Variants in PRDM11 observed in about 807,000 individuals in gnomAD.
PRDM11 encodes the protein PR domain-containing protein 11.
In PRDM11, 20 loss-of-function variants were observed where a neutral mutation model predicts 97.8. The ratio of observed to expected loss-of-function variants is 0.20; its 90% CI spans 0.14 to 0.30. The LOEUF is 0.30. Ranked by LOEUF, PRDM11 falls within the 10% of genes least tolerant of loss-of-function variation. PRDM11 has a pLI of 1.00. For synonymous variants in PRDM11, 599 were observed against 637.7 expected, an observed-to-expected ratio of 0.94 and a Z score of 0.91; for missense variants, 1,139 against 1,555.2, an observed-to-expected ratio of 0.73 and a Z score of 4.50.
intron 1 of PRDM11, among the ~76,000 whole-genome samples, chr11:45,127,951 G>C (rs916220186): frequency 3.3e-5 from 5 of 152,242 alleles, no homozygotes; most frequent in Non-Finnish European, 7.3e-5. Flanking sequence ...CCCAGAGGTG[G>C]AGCCTACAGA....
chr11:45,224,378 G>A lies in PRDM11; in HGVS notation c.904G>A (p.Asp302Asn), dbSNP rs746520176. ...CCCCCAAGCTAAGAAGAAGAAAATT[G>A]ACCTGATTTTCAAGGATGTTCTGGA... ...VHPQAKKKKI[D>N]LIFKDVLEAS... The change falls in exon 7 of 8, where the codon GAC (aspartate) becomes AAC (asparagine). Residue 302 changes from aspartate to asparagine, a missense_variant. By Grantham distance (23) the Asp-to-Asn change is conservative (BLOSUM62 1). Coordinates refer to ENST00000683152, the MANE Select transcript of PRDM11 (RefSeq NM_001384648.1). 6.2e-7 allele frequency: 1 copy of A among 1,614,168 alleles called. No individual in the cohort carries two copies. The highest frequency in any genetic ancestry group is 1.7e-5 in the Admixed American group (1 of 60,024).
intron 5 of PRDM11, chr11:45,209,218 C>G: frequency 2.3e-6 from 1 of 428,836 alleles, no homozygotes; most frequent in South Asian, 1.6e-5. Flanking sequence ...GCCATCAAGT[C>G]GGCGCTGCTC....
chr11:45,228,120 G>T lies in PRDM11; in HGVS notation c.3495G>T (p.Gln1165His). The change falls in exon 8 of 8, where the codon CAG becomes CAT. Residue 1165 changes from glutamine (Q) to histidine (H), a missense_variant. Around this residue, in one of 2 missense-constraint regions of PRDM11, gnomAD observed 710 missense variants for 1,044.9 expected, o/e 0.68. Coordinates refer to ENST00000683152, the MANE Select transcript of PRDM11 (RefSeq NM_001384648.1). The part of the protein sequence containing the change: ...MSALEQKPAL[Q>H]TMDHGTEFYP... Reference sequence around the variant, plus strand: ...CGCTGGAGCAGAAGCCAGCACTACAGACCATGGACCACGGGACGGAGTTTT... The same window carrying T: ...CGCTGGAGCAGAAGCCAGCACTACATACCATGGACCACGGGACGGAGTTTT... 6.5e-7 allele frequency: 1 copy of T among 1,532,210 alleles called. No homozygotes were observed. Among genetic ancestry groups the T allele is most frequent in the South Asian group, 1.2e-5 (1 of 83,856 alleles). The allele number at this position is 1,532,210 out of a possible 1,614,324, so 94.9% of individuals were successfully genotyped here. A position where few individuals can be genotyped will look rare whatever the true frequency, so the allele number is the denominator to read the frequency against.
chr11:45,165,619 C>T (rs1419356424), intron 1 of PRDM11, among the ~76,000 whole-genome samples: 1 of 152,264 alleles, frequency 6.6e-6, no homozygotes, highest in Admixed American at 6.5e-5. Flanking sequence ...CACCACCCAG[C>T]TCCAGGGGAT....
chr11:45,211,783 GCA>G (rs916734235), intron 5 of PRDM11, among the ~76,000 whole-genome samples: 20 of 151,660 alleles, frequency 1.3e-4, no homozygotes, highest in African/African-American at 4.9e-4. Context: ...GTGTCATATG[GCA>G]CAGTGTATAC....
intron 1 of PRDM11, among the ~76,000 whole-genome samples, chr11:45,166,329 G>C (rs186781048): frequency 1.3e-5 from 2 of 152,298 alleles, no homozygotes; most frequent in Admixed American, 1.3e-4. Context: ...TATCCTTTCA[G>C]CAATCCCTGC....
chr11:45,122,647 C>T (rs1434057558), intron 1 of PRDM11, among the ~76,000 whole-genome samples: 2 of 152,000 alleles, frequency 1.3e-5, no homozygotes, highest in East Asian at 1.9e-4. Flanking sequence ...CAGTTTCATC[C>T]ATGTCCCTAC....
intron 1 of PRDM11, among the ~76,000 whole-genome samples, chr11:45,123,087 T>C (rs1313835918): frequency 6.6e-6 from 1 of 152,150 alleles, no homozygotes; most frequent in African/African-American, 2.4e-5. Flanking sequence ...ATTTCTCTGA[T>C]GGCCAGTGAT....
chr11:45,128,122 ACT>A (rs1436705756), intron 1 of PRDM11, among the ~76,000 whole-genome samples: 6 of 151,920 alleles, frequency 3.9e-5, no homozygotes, highest in Admixed American at 2.0e-4. Context: ...AATCAGTGAG[ACT>A]CTGTGGGCGT....
intron 1 of PRDM11, among the ~76,000 whole-genome samples, chr11:45,115,785 C>T (rs548073454): frequency 6.3e-4 from 95 of 151,966 alleles, no homozygotes; most frequent in Non-Finnish European, 1.3e-3. Flanking sequence ...GAAAAATCAG[C>T]TGGGTGTGGT....
intron 5 of PRDM11, among the ~76,000 whole-genome samples, chr11:45,217,950 A>G (rs1028807432): frequency 2.6e-5 from 4 of 152,212 alleles, no homozygotes; most frequent in Admixed American, 6.5e-5. Context: ...AAACATTGGT[A>G]TATTTCCTTC....
intron 1 of PRDM11, among the ~76,000 whole-genome samples, chr11:45,137,211 T>C (rs572794569): frequency 5.0e-4 from 75 of 150,648 alleles, no homozygotes; most frequent in Non-Finnish European, 9.4e-4. Flanking sequence ...GGCAGGCAGA[T>C]CACTTGAGGT....
intron 3 of PRDM11, among the ~76,000 whole-genome samples, 171 bp downstream of exon 3, chr11:45,182,520 A>G (rs1078930): frequency 0.92 from 140,293 of 152,244 alleles, 65,414 homozygotes; most frequent in Non-Finnish European, 0.98. Flanking sequence ...GGCTATTGTT[A>G]GCCCCATTTT....
In PRDM11 at chr11:45,227,668, C is replaced by A; in HGVS notation, c.3043C>A (p.His1015Asn). 1 of 1,533,900 alleles carries A rather than the reference C, an allele frequency of 6.5e-7. No individual in the cohort carries two copies. Among genetic ancestry groups the A allele is most frequent in the Non-Finnish European group, 8.7e-7 (1 of 1,146,724 alleles). The change falls in exon 8 of 8, where the codon CAC becomes AAC. Residue 1015 changes from histidine to asparagine, a missense_variant. By Grantham distance (68) the His-to-Asn change is moderately conservative (BLOSUM62 1). This residue lies in a region of PRDM11 where 710 missense variants were observed against 1,044.9 expected (regional missense o/e 0.68). Coordinates refer to ENST00000683152, the MANE Select transcript of PRDM11 (RefSeq NM_001384648.1). This position sits in a 1 kb window ranked among gnomAD's most constrained non-coding sequence, Gnocchi z 8.0. ...GGAGGATATGGTGCAAATATTTGATCACCTGGAGGCCATCCCGACCTTTTC... is the reference window on the plus strand; with the variant it reads ...GGAGGATATGGTGCAAATATTTGATAACCTGGAGGCCATCCCGACCTTTTC... ...GKEDMVQIFDHLEAIPTFSRD... is the reference protein window; with the variant it reads ...GKEDMVQIFDNLEAIPTFSRD...
At chr11:45,134,326 A>C (rs1024161682) in intron 1 of PRDM11, among the ~76,000 whole-genome samples, 50 of 152,190 alleles carry the variant, frequency 3.3e-4, no homozygotes, top group Admixed American at 1.0e-3. Flanking sequence ...CCGACAAAAT[A>C]ATCTCAGGCA....
chr11:45,154,869 C>G lies in PRDM11; in HGVS notation c.-7+7992C>G, dbSNP rs537266562. ...AAGTAACCAAGCTAACATTCTAACC[C>G]CAAATCTAGCACCCCTTCCTCTGCA... On this transcript the variant is annotated intron_variant, in intron 1 of 7. Transcript: ENST00000683152. 2.8e-4 allele frequency among the ~76,000 whole-genome samples: 42 copies of G among 152,274 alleles called. 1 individual carries two copies. The highest frequency in any genetic ancestry group is 2.2e-3 in the Admixed American group (33 of 15,306).
intron 1 of PRDM11, among the ~76,000 whole-genome samples, chr11:45,106,609 G>C (rs1414872288): frequency 6.6e-6 from 1 of 152,178 alleles, no homozygotes; most frequent in Non-Finnish European, 1.5e-5. Flanking sequence ...GAAGATTAAG[G>C]CTGGGGTGAC....
chr11:45,168,987 C>T (rs1159706974), intron 1 of PRDM11, among the ~76,000 whole-genome samples: 2 of 152,142 alleles, frequency 1.3e-5, no homozygotes, highest in African/African-American at 4.8e-5. Flanking sequence ...GCCAGGTTGG[C>T]CTCAGGGAAC....
chr11:45,173,997 T>C (rs1236643318), intron 1 of PRDM11, among the ~76,000 whole-genome samples: 2 of 152,162 alleles, frequency 1.3e-5, no homozygotes, highest in Non-Finnish European at 2.9e-5. Context: ...GATGAAGAAA[T>C]AGAACATGGC....
Sources: allele counts gnomAD v4.1 joint callset (sites outside exome capture counted in the v4.1 genomes callset), GRCh38; gene constraint gnomAD v4.1.1; regional missense constraint gnomAD v4.1.1; non-coding constraint Gnocchi (gnomAD v3.1); transcripts MANE v1.5; gene names NCBI Gene and HGNC (gene_info 2026-07-23, HGNC 2026-07-21).